L3HYPDH: variants seen among roughly 807,000 people sequenced by gnomAD.
L3HYPDH encodes trans-3-hydroxy-L-proline dehydratase.
Under a neutral mutation model 26.5 loss-of-function variants are expected in L3HYPDH, and 32 were observed. The ratio of observed to expected loss-of-function variants is 1.21; its 90% confidence interval spans 0.91 to 1.62. The LOEUF is 1.62. Among genes scored for constraint, L3HYPDH ranks in the 40% most tolerant of loss-of-function variants. The probability of loss-of-function intolerance (pLI) is 0.00; values close to 1 mark genes in which losing one functional copy is unlikely to be tolerated. For missense variants in L3HYPDH, 554 were observed against 476.4 expected (o/e 1.16, Z -1.52); for synonymous variants, 215 against 196.6 (o/e 1.09, Z -0.78).
the L3HYPDH span, chr14:59,501,140 A>T: frequency 2.7e-6 from 3 of 1,122,334 alleles, no homozygotes; most frequent in Non-Finnish European, 4.0e-6. Flanking sequence ...TTGATGGTTT[A>T]TTGAGAAAAT....
At position 59,479,363 on chromosome 14, in the gene L3HYPDH, A is replaced by G. The variant is rs765319378; in HGVS notation, c.509-12T>C. 3.1e-6 allele frequency: 5 copies of G among 1,606,134 alleles called. No homozygotes were observed. The highest frequency in any genetic ancestry group is 3.4e-6 in the Non-Finnish European group (4 of 1,177,402). ...ATCCACCATGAGATCTAAAAAAAAG[A>G]TGTGTTTGGAAAGAAGATGTGTTTG... On this transcript the variant is annotated splice_polypyrimidine_tract_variant and intron_variant, in intron 1 of 4. Transcript: ENST00000247194.
the L3HYPDH span, chr14:59,501,409 CTTG>C: frequency 1.5e-5 from 9 of 584,502 alleles, no homozygotes; most frequent in African/African-American, 1.5e-4. Flanking sequence ...TAGCTTTTGG[CTTG>C]TTAACTTTAT....
At chr14:59,473,170 T>C (rs1889386994) in intron 4 of L3HYPDH, 80 bp from the exon 5 acceptor site, 1 of 1,347,576 alleles carries the variant, frequency 7.4e-7, no homozygotes, top group Non-Finnish European at 1.0e-6. Context: ...CTCTTGACTT[T>C]TATCATGTGA....
chr14:59,476,772 C>T (rs996645606), intron 2 of L3HYPDH, among the ~76,000 whole-genome samples: 3 of 152,114 alleles, frequency 2.0e-5, no homozygotes, highest in African/African-American at 7.2e-5. Context: ...TTATTGTAGA[C>T]GATGAAGTCA....
At chr14:59,486,460 G>T (rs1349208626), upstream of L3HYPDH, among the ~76,000 whole-genome samples, 1 of 152,180 alleles carries the variant, frequency 6.6e-6, no homozygotes, top group African/African-American at 2.4e-5. Context: ...GAGTCCTGGA[G>T]ATAGATCCTG....
the L3HYPDH span, among the ~76,000 whole-genome samples, chr14:59,493,258 G>A: frequency 5.3e-5 from 8 of 152,160 alleles, no homozygotes; most frequent in Non-Finnish European, 1.2e-4. Flanking sequence ...GAAAACAAAA[G>A]AGAAGCCATA....
upstream of L3HYPDH, chr14:59,487,853 C>G (rs775999621): frequency 5.6e-6 from 9 of 1,600,294 alleles, no homozygotes; most frequent in Admixed American, 1.7e-5. Context: ...ATGAACATAT[C>G]TGGCTGGACT....
the L3HYPDH span, among the ~76,000 whole-genome samples, chr14:59,490,885 C>T: frequency 0.017 from 2,586 of 152,198 alleles, 28 homozygotes; most frequent in Non-Finnish European, 0.022. Flanking sequence ...TCACCAAATG[C>T]GTTTGAATTC....
intron 1 of L3HYPDH, among the ~76,000 whole-genome samples, chr14:59,480,558 G>C (rs1475897956): frequency 6.6e-6 from 1 of 152,236 alleles, no homozygotes; most frequent in Non-Finnish European, 1.5e-5. Flanking sequence ...ACAGAGTAGA[G>C]TTTCAGCTTC....
chr14:59,501,284 T>C, the L3HYPDH span: 327 of 1,521,416 alleles, frequency 2.1e-4, no homozygotes, highest in Non-Finnish European at 2.8e-4. Flanking sequence ...AGTCTTTTTT[T>C]CCTTTGTTAA....
At chr14:59,483,504 C>T in intron 1 of L3HYPDH, 1 of 1,311,828 alleles carries the variant, frequency 7.6e-7, no homozygotes, top group Non-Finnish European at 9.7e-7. Context: ...CTTTATCCAC[C>T]GGTGAAATCT....
At position 59,484,111 on chromosome 14, in the gene L3HYPDH, G is replaced by A. The variant is rs761223679; in HGVS notation, c.206C>T (p.Pro69Leu). 1.3e-5 allele frequency: 21 copies of A among 1,604,544 alleles called. No homozygotes were observed. The highest frequency in any genetic ancestry group is 1.8e-5 in the Non-Finnish European group (21 of 1,179,238). The change falls in exon 1 of 5, where the codon CCC (proline) becomes CTC (leucine). Residue 69 changes from proline (P) to leucine (L), a missense_variant. Physicochemically the swap from Pro to Leu is moderately conservative, Grantham distance 98. Transcript: ENST00000247194. ...DHVRRRLMFE[P>L]RGHRDMYGAV... ...CCCGTACATGTCCCGGTGCCCTCGG[G>A]GCTCGAACATGAGCCGTCGCCGCAC... is the stretch of plus-strand genomic sequence containing the variant.
the L3HYPDH span, among the ~76,000 whole-genome samples, chr14:59,499,734 A>G: frequency 6.6e-6 from 1 of 152,320 alleles, no homozygotes; most frequent in East Asian, 1.9e-4. Context: ...ATTTGGTTCA[A>G]GGTGATGGTG....
At chr14:59,478,086 G>C (rs1450234325) in intron 2 of L3HYPDH, among the ~76,000 whole-genome samples, 2 of 152,150 alleles carry the variant, frequency 1.3e-5, no homozygotes, top group East Asian at 3.9e-4. Context: ...AAAAATAATA[G>C]GAATTAATGT....
At chr14:59,495,504 CATT>C in the L3HYPDH span, among the ~76,000 whole-genome samples, 1 of 152,010 alleles carries the variant, frequency 6.6e-6, no homozygotes, top group African/African-American at 2.4e-5. Flanking sequence ...TAGTAAATGG[CATT>C]ATTACAGTGT....
chr14:59,504,007 T>A, the L3HYPDH span: 2 of 1,613,856 alleles, frequency 1.2e-6, no homozygotes, highest in South Asian at 1.1e-5. Flanking sequence ...AGCCCTTTTT[T>A]ACTTGTTCAC....
intron 1 of L3HYPDH, among the ~76,000 whole-genome samples, chr14:59,481,618 G>A (rs537520093): frequency 2.0e-5 from 3 of 152,272 alleles, no homozygotes; most frequent in Non-Finnish European, 2.9e-5. Context: ...ACTATGTGCC[G>A]ATTACTGTAG....
chr14:59,483,436 C>T, intron 1 of L3HYPDH: 1 of 1,018,188 alleles, frequency 9.8e-7, no homozygotes. Flanking sequence ...TCTCAGCCAG[C>T]CTGGAACCCT....
the L3HYPDH span, among the ~76,000 whole-genome samples, chr14:59,491,258 TAA>T: frequency 1.3e-5 from 2 of 152,156 alleles, no homozygotes; most frequent in Non-Finnish European, 2.9e-5. Flanking sequence ...CAAGTGAACT[TAA>T]AGTCATTTAG....
Sources: allele counts gnomAD v4.1 joint callset (sites outside exome capture counted in the v4.1 genomes callset), GRCh38; gene constraint gnomAD v4.1.1; transcripts MANE v1.5; gene names NCBI Gene and HGNC (gene_info 2026-07-23, HGNC 2026-07-21).